Variants in DDX11 observed in about 807,000 individuals in gnomAD.
The protein encoded by DDX11 is ATP-dependent DNA helicase DDX11.
DDX11 carries 72 observed loss-of-function variants against 125.2 expected under a neutral mutation model. That is an observed-to-expected ratio of 0.58 (90% CI 0.48 to 0.70). DDX11 has a LOEUF of 0.70. Ranked by LOEUF, DDX11 falls within the 30% of genes least tolerant of loss-of-function variation. The pLI is 0.00. For synonymous variants in DDX11, 347 were observed against 452.6 expected (o/e 0.77, Z 2.96); for missense variants, 883 against 1,165.0 (o/e 0.76, Z 3.52).
chr12:31,093,744 A>T (rs1377430858), intron 12 of DDX11: 2 of 207,252 alleles, frequency 9.7e-6, no homozygotes, highest in South Asian at 7.4e-5. Flanking sequence ...AAAAAAAAAA[A>T]GAAGGGTCTT....
Position 31,094,620 on chromosome 12 carries a change from G to C in DDX11, c.1400G>C (p.Ser467Thr). The C allele has an allele frequency of 6.4e-7, 1 of 1,570,092 alleles. No homozygotes were observed. The highest frequency in any genetic ancestry group is 8.6e-7 in the Non-Finnish European group (1 of 1,158,496). The change falls in exon 13 of 27, where the codon AGT (serine) becomes ACT (threonine). Residue 467 changes from serine (S) to threonine (T), a missense_variant. Ser to Thr is a moderately conservative substitution (Grantham distance 58). Around this residue, in one of 5 missense-constraint regions of DDX11, gnomAD observed 241 missense variants for 279.7 expected, o/e 0.86. Transcript: ENST00000542838. ...ATTAAGCAAAATCCCAATACACAGA[G>C]TCTGTCACAGACAGGTAAGAGAGTT... ...GNIKQNPNTQ[S>T]LSQTGTELKT... is the part of the protein sequence containing the mutation.
In DDX11 at chr12:31,089,050, T is replaced by G. The variant is rs1291169997; in HGVS notation, c.691T>G (p.Tyr231Asp). 1.2e-6 allele frequency: 2 copies of G among 1,613,804 alleles called. No individual in the cohort carries two copies. The highest frequency in any genetic ancestry group is 2.7e-5 in the African/African-American group (2 of 74,944). ...CTTTCTTTCTCTCTGCTAGATTTAT[T>G]ACTGTAGTCGGACACACTCCCAGCT... ...LEEEHITKIYYCSRTHSQLAQ... is the reference protein window; with the variant it reads ...LEEEHITKIYDCSRTHSQLAQ... The change falls in exon 7 of 27, where the codon TAC (tyrosine) becomes GAC (aspartate). Residue 231 changes from tyrosine (Y) to aspartate (D), a missense_variant. Coordinates refer to ENST00000542838, the MANE Select transcript of DDX11 (RefSeq NM_030653.4).
chr12:31,094,881 G>A, intron 14 of DDX11, 59 bp downstream of exon 14: 1 of 1,584,202 alleles, frequency 6.3e-7, no homozygotes, highest in Non-Finnish European at 8.7e-7. Context: ...ACCACCTGTG[G>A]GTAAAGTACT....
At chr12:31,081,212 C>T (rs1329597470) in intron 2 of DDX11, among the ~76,000 whole-genome samples, 10 of 152,126 alleles carry the variant, frequency 6.6e-5, no homozygotes, top group Non-Finnish European at 4.4e-5. Context: ...GTGAATGTAC[C>T]CTGTGGCTTT....
At position 31,080,514 on chromosome 12, in the gene DDX11, T is replaced by G. The variant is rs534278678; in HGVS notation, c.144+1977T>G. 2.0e-5 allele frequency among the ~76,000 whole-genome samples: 3 copies of G among 152,286 alleles called. No individual in the cohort carries two copies. The East Asian group carries it at 5.8e-4, about 29-fold the overall frequency. ...TTTCAACCCGTCCCTTTGTTTTCAG[T>G]GGCCTGCTGTGTTCCTACCACTTCC... On this transcript the variant is annotated intron_variant, in intron 2 of 26. Coordinates refer to ENST00000542838, the MANE Select transcript of DDX11 (RefSeq NM_030653.4).
chr12:31,087,573 G>A (rs1448308120), intron 5 of DDX11: 12 of 356,334 alleles, frequency 3.4e-5, no homozygotes, highest in African/African-American at 1.3e-4. Flanking sequence ...CAGAACATCC[G>A]AAGGCCTGAG....
At position 31,096,839 on chromosome 12, in the gene DDX11, C is replaced by T. The variant is rs117287945; in HGVS notation, c.1631-20C>T. 7.9e-4 allele frequency: 1,271 copies of T among 1,614,200 alleles called. 26 individuals are homozygous for T. The East Asian group carries it at 0.024, about 31-fold the overall frequency. ...GGACCTGACCAGAGGGAGGCCTCCTCCCCGTTCTGCTCTGTGCAGCTCTTG... is the reference window on the plus strand; with the variant it reads ...GGACCTGACCAGAGGGAGGCCTCCTTCCCGTTCTGCTCTGTGCAGCTCTTG... On this transcript the variant is annotated intron_variant, in intron 16 of 26. Transcript: ENST00000542838.
In DDX11 at chr12:31,092,804, C is replaced by T. The variant is rs779119245; in HGVS notation, c.1243-42C>T. 6 of 1,594,020 alleles carry T rather than the reference C, an allele frequency of 3.8e-6. No homozygotes were observed. The African/African-American group carries it at 5.4e-5, about 14-fold the overall frequency. On this transcript the variant is annotated intron_variant, in intron 10 of 26. Transcript: ENST00000542838. ...AATCTAAGATGTCAGTACCTTAGCC[C>T]TCAGCTGCTTGCTCAGAGCCTGGTT...
rs1470862395 is a variant in DDX11, at chr12:31,084,579, G to A, written c.394-4G>A. 1 of 1,593,338 alleles carries A rather than the reference G, an allele frequency of 6.3e-7. No individual in the cohort carries two copies. Among genetic ancestry groups the A allele is most frequent in the South Asian group, 1.1e-5 (1 of 88,282 alleles). ...TGATTTTCCTTCATGTCTGCCTCCT[G>A]TAGGCGGAGCAGGCCAGGAGGAAGC... On this transcript the variant is annotated splice_polypyrimidine_tract_variant and splice_region_variant and intron_variant, in intron 3 of 26. Coordinates refer to ENST00000542838, the MANE Select transcript of DDX11 (RefSeq NM_030653.4).
At chr12:31,097,357 TTTCTCAACTTCAG>T (rs1430855656) in intron 17 of DDX11, among the ~76,000 whole-genome samples, 2 of 152,018 alleles carry the variant, frequency 1.3e-5, no homozygotes, top group Admixed American at 1.3e-4. Flanking sequence ...GACTATTTTC[TTTCTCAACTTCAG>T]TTTCTTCATA....
In DDX11 at chr12:31,095,881, A is replaced by G. The variant is rs183527249; in HGVS notation, c.1483-460A>G. Among the ~76,000 whole-genome samples the G allele has an allele frequency of 4.5e-3, 679 of 152,082 alleles. 3 individuals carry two copies. The highest frequency in any genetic ancestry group is 0.014 in the Middle Eastern group (4 of 292). On this transcript the variant is annotated intron_variant, in intron 14 of 26. Transcript: ENST00000542838. Reference sequence around the variant, plus strand: ...TTTAGAAACCGGTTTAAAGGCTCCAAACTCCTCATCTCTGCATCCCAAGCT... The same window carrying G: ...TTTAGAAACCGGTTTAAAGGCTCCAGACTCCTCATCTCTGCATCCCAAGCT...
At chr12:31,102,822 T>C in intron 23 of DDX11, 114 bp from the exon 24 acceptor site, 1 of 891,598 alleles carries the variant, frequency 1.1e-6, no homozygotes, top group Non-Finnish European at 1.8e-6. Context: ...AGGCTGAGTT[T>C]TGATCACAGT....
chr12:31,084,468 G>A (rs562867419), intron 3 of DDX11, 115 bp from the exon 4 acceptor site: 15 of 945,950 alleles, frequency 1.6e-5, no homozygotes, highest in African/African-American at 6.5e-5. Flanking sequence ...AGTGCTGGCC[G>A]GGGAAGGAGA....
intron 18 of DDX11, among the ~76,000 whole-genome samples, chr12:31,099,080 C>CTGTTTTTTTTTTTTTTTT (rs1945871557): frequency 1.2e-5 from 1 of 81,328 alleles, no homozygotes; most frequent in Non-Finnish European, 2.2e-5. Context: ...TTCTTTCTTT[C>CTGTTTTTTTTTTTTTTTT]TTTCTTTTTT....
intron 24 of DDX11, 87 bp from the exon 25 acceptor site, chr12:31,103,230 G>T (rs3825321): frequency 0.46 from 702,013 of 1,516,414 alleles, 158,916 homozygotes; most frequent in East Asian, 0.84. Flanking sequence ...AAGCCTCCTG[G>T]TCTGGCTCCA....
rs529116570 is a variant in DDX11 at position 31,102,518 on chromosome 12, A to C, written c.2363A>C (p.Asn788Thr). 1.9e-6 allele frequency: 3 copies of C among 1,613,396 alleles called. No individual in the cohort carries two copies. In the South Asian group the frequency reaches 3.3e-5, roughly 18 times the overall value. The stretch of plus-strand genomic sequence containing the variant: ...AGTGAAGGGATCAACTTCTCTGACA[A>C]CCTAGGCCGGTAAGTAGTGGTTCTG... ...KMSEGINFSD[N>T]LGRCVVMVGM... The change falls in exon 23 of 27, where the codon AAC becomes ACC. Residue 788 changes from asparagine (N) to threonine (T), a missense_variant. Physicochemically the swap from Asn to Thr is moderately conservative, Grantham distance 65. Coordinates refer to ENST00000542838, the MANE Select transcript of DDX11 (RefSeq NM_030653.4).
chr12:31,074,260 G>C (rs1940376960), intron 1 of DDX11, 169 bp downstream of exon 1: 1 of 152,282 alleles, frequency 6.6e-6, no homozygotes, highest in Non-Finnish European at 1.5e-5. Context: ...GCGTGTCTGG[G>C]TCTTAGATTT....
intron 10 of DDX11, 146 bp from the exon 11 acceptor site, chr12:31,092,700 C>G (rs3954113): frequency 4.0e-4 from 332 of 827,804 alleles, no homozygotes; most frequent in Middle Eastern, 1.0e-3. Context: ...TGTGGAAACC[C>G]GTACCTTTTG....
chr12:31,078,618 A>G, intron 2 of DDX11, 81 bp downstream of exon 2: 1 of 1,604,454 alleles, frequency 6.2e-7, no homozygotes, highest in Non-Finnish European at 8.5e-7. Flanking sequence ...CTATCCAGAG[A>G]TTTTCATAGT....
Sources: allele counts gnomAD v4.1 joint callset (sites outside exome capture counted in the v4.1 genomes callset), GRCh38; gene constraint gnomAD v4.1.1; regional missense constraint gnomAD v4.1.1; transcripts MANE v1.5; gene names NCBI Gene and HGNC (gene_info 2026-07-23, HGNC 2026-07-21).